Variants in STMN2 observed in about 807,000 individuals in gnomAD.
STMN2 encodes the protein stathmin 2, also known as stathmin-2.
Under a neutral mutation model 24.1 loss-of-function variants are expected in STMN2, and 2 were observed. The ratio of observed to expected loss-of-function variants is 0.08; its 90% confidence interval spans 0.03 to 0.26. STMN2 has a LOEUF of 0.26. Among genes scored for constraint, STMN2 ranks in the 10% least tolerant of loss-of-function variants. The pLI is 1.00. For missense variants in STMN2, 114 were observed against 213.6 expected, an observed-to-expected ratio of 0.53 and a Z score of 2.91; for synonymous variants, 83 against 77.5, an observed-to-expected ratio of 1.07 and a Z score of -0.37.
intron 3 of STMN2, among the ~76,000 whole-genome samples, chr8:79,648,266 T>A (rs1301572715): frequency 6.6e-6 from 1 of 152,162 alleles, no homozygotes; most frequent in African/African-American, 2.4e-5. Flanking sequence ...ATGGAGTTAG[T>A]GTGAGAATTG....
At chr8:79,654,174 G>A (rs1480551279) in intron 3 of STMN2, among the ~76,000 whole-genome samples, 1 of 152,166 alleles carries the variant, frequency 6.6e-6, no homozygotes, top group Non-Finnish European at 1.5e-5. Context: ...TCCTGATGCT[G>A]GAAGAAAATT....
chr8:79,613,233 G>C (rs1809289014), intron 1 of STMN2, among the ~76,000 whole-genome samples: 1 of 150,858 alleles, frequency 6.6e-6, no homozygotes, highest in African/African-American at 2.4e-5. Context: ...GGAGACCCTC[G>C]CTCCTCCAGC....
At chr8:79,655,393 T>C (rs1221013652) in intron 4 of STMN2, among the ~76,000 whole-genome samples, 1 of 152,152 alleles carries the variant, frequency 6.6e-6, no homozygotes, top group Non-Finnish European at 1.5e-5. Context: ...ACTGGAAATA[T>C]TAATGTCTAT....
intron 1 of STMN2, chr8:79,611,695 T>G: frequency 1.1e-6 from 1 of 894,420 alleles, no homozygotes; most frequent in Non-Finnish European, 1.3e-6. Context: ...GTTTGAAAGA[T>G]GGGTGGAGAC....
At chr8:79,627,293 A>G (rs1470357298) in intron 1 of STMN2, among the ~76,000 whole-genome samples, 2 of 152,228 alleles carry the variant, frequency 1.3e-5, no homozygotes, top group East Asian at 3.8e-4. Flanking sequence ...GCCAAATTCC[A>G]AGTCATATTT....
intron 3 of STMN2, among the ~76,000 whole-genome samples, chr8:79,653,247 C>T (rs564790262): frequency 1.3e-5 from 2 of 152,180 alleles, no homozygotes; most frequent in South Asian, 4.1e-4. Flanking sequence ...TGTGGTAGCA[C>T]ACACCTGTAA....
intron 2 of STMN2, among the ~76,000 whole-genome samples, chr8:79,637,800 C>A (rs186209805): frequency 9.2e-5 from 14 of 152,270 alleles, no homozygotes; most frequent in African/African-American, 3.4e-4. Flanking sequence ...AAATATTTTT[C>A]TTTTCCATAT....
chr8:79,632,391 A>G (rs1362542751), intron 1 of STMN2, among the ~76,000 whole-genome samples: 2 of 152,182 alleles, frequency 1.3e-5, no homozygotes, highest in East Asian at 3.9e-4. Context: ...ATGAGGTTGC[A>G]TTTAAATTGA....
chr8:79,615,531 G>A (rs1809363484), intron 1 of STMN2, among the ~76,000 whole-genome samples: 2 of 152,190 alleles, frequency 1.3e-5, no homozygotes, highest in African/African-American at 4.8e-5. Flanking sequence ...GAACTAGCCA[G>A]TGACCCAGAT....
intron 4 of STMN2, chr8:79,663,604 C>T: frequency 1.3e-6 from 2 of 1,528,968 alleles, no homozygotes; most frequent in South Asian, 1.2e-5. Flanking sequence ...TTCTTCTGAA[C>T]TAAAAGAATC....
At chr8:79,620,438 T>C (rs7844810) in intron 1 of STMN2, among the ~76,000 whole-genome samples, 6,894 of 151,974 alleles carry the variant, frequency 0.045, 285 homozygotes, top group East Asian at 0.22. Flanking sequence ...TAAAGTAAAA[T>C]AGATTGGAGC....
At chr8:79,631,784 T>A (rs567327710) in intron 1 of STMN2, among the ~76,000 whole-genome samples, 23 of 152,332 alleles carry the variant, frequency 1.5e-4, no homozygotes, top group Admixed American at 1.4e-3. Flanking sequence ...TGAGTTATAG[T>A]GCCCCAAAGT....
At chr8:79,651,839 C>A (rs937557942) in intron 3 of STMN2, among the ~76,000 whole-genome samples, 8 of 152,200 alleles carry the variant, frequency 5.3e-5, no homozygotes, top group African/African-American at 1.4e-4. Flanking sequence ...AGGATGCAAA[C>A]CCAGGCTTTC....
At chr8:79,661,780 ACTCCAAAC>A (rs1360646799) in intron 4 of STMN2, among the ~76,000 whole-genome samples, 2 of 151,908 alleles carry the variant, frequency 1.3e-5, no homozygotes, top group Non-Finnish European at 2.9e-5. Context: ...AGTCTGTTTG[ACTCCAAAC>A]CTTTTTACTA....
intron 3 of STMN2, among the ~76,000 whole-genome samples, chr8:79,642,973 A>G (rs991137794): frequency 1.0e-4 from 15 of 148,474 alleles, no homozygotes; most frequent in African/African-American, 3.7e-4. Flanking sequence ...TATATATTAC[A>G]TATACCAATT....
At chr8:79,637,548 C>T (rs1375549822) in intron 2 of STMN2, among the ~76,000 whole-genome samples, 1 of 152,254 alleles carries the variant, frequency 6.6e-6, no homozygotes, top group East Asian at 1.9e-4. Flanking sequence ...CAAATAGATA[C>T]TTGGATTCTC....
chr8:79,633,404 C>G (rs1335378152), intron 1 of STMN2, among the ~76,000 whole-genome samples: 2 of 152,172 alleles, frequency 1.3e-5, no homozygotes, highest in South Asian at 4.1e-4. Flanking sequence ...GTTTTGTCCC[C>G]AGACCACCTC....
At chr8:79,659,465 T>G (rs879865306) in intron 4 of STMN2, among the ~76,000 whole-genome samples, 1 of 152,140 alleles carries the variant, frequency 6.6e-6, no homozygotes, top group Non-Finnish European at 1.5e-5. Context: ...ATTTTCTTCC[T>G]CCCCTGATGT....
intron 3 of STMN2, among the ~76,000 whole-genome samples, chr8:79,652,750 G>A (rs1031639573): frequency 1.2e-4 from 18 of 151,934 alleles, no homozygotes; most frequent in African/African-American, 3.9e-4. Context: ...AACCATATGA[G>A]ATAGGTACTA....
Sources: gnomAD v4.1 joint callset for allele counts (sites outside exome capture counted in the v4.1 genomes callset) on GRCh38, gnomAD v4.1.1 for gene constraint, MANE v1.5 for transcripts, NCBI Gene and HGNC (gene_info 2026-07-23, HGNC 2026-07-21) for gene names.